CHODL: variants seen among roughly 807,000 people sequenced by gnomAD.
The protein encoded by CHODL is chondrolectin.
Under a neutral mutation model 34.5 loss-of-function variants are expected in CHODL, and 29 were observed. The ratio of observed to expected loss-of-function variants is 0.84; its 90% CI spans 0.63 to 1.15. The LOEUF (loss-of-function observed/expected upper bound fraction) is 1.15, where lower values mean the gene tolerates loss of function less well. Ranked by LOEUF, CHODL falls within the 50% of genes most tolerant of loss-of-function variation. The probability of loss-of-function intolerance (pLI) is 0.00; values close to 1 mark genes in which losing one functional copy is unlikely to be tolerated. For synonymous variants in CHODL, 125 were observed against 116.1 expected, an observed-to-expected ratio of 1.08 and a Z score of -0.49; for missense variants, 332 against 332.5, an observed-to-expected ratio of 1.00 and a Z score of 0.01.
chr21:18,247,244 C>CA, intron 1 of CHODL, among the ~76,000 whole-genome samples: 1 of 152,032 alleles, frequency 6.6e-6, no homozygotes, highest in Non-Finnish European at 1.5e-5. Context: ...TTTTTCGTGC[C>CA]ACTTGGGACC....
chr21:18,018,111 T>C (rs1383303766), intron 1 of CHODL, among the ~76,000 whole-genome samples: 1 of 152,216 alleles, frequency 6.6e-6, no homozygotes, highest in Non-Finnish European at 1.5e-5. Flanking sequence ...TGGAAGTAAC[T>C]AACTTGTTTT....
Position 18,013,755 on chromosome 21 carries a change from C to T in CHODL, c.-144-14117C>T, listed in dbSNP as rs574137309. The stretch of plus-strand genomic sequence containing the variant: ...GTTCAAGCAATTCTCCTCTCTCAGC[C>T]TCCTGAGTAGCTGGGACTACAGGCG... On this transcript the variant is annotated intron_variant, in intron 1 of 6. Transcript: ENST00000400127. Among the ~76,000 whole-genome samples, 29 of 150,096 alleles carry T rather than the reference C, an allele frequency of 1.9e-4. No homozygotes were observed. The South Asian group carries it at 5.9e-3, about 31-fold the overall frequency.
At chr21:17,948,795 G>T (rs1307161684) in intron 1 of CHODL, among the ~76,000 whole-genome samples, 1 of 152,068 alleles carries the variant, frequency 6.6e-6, no homozygotes, top group African/African-American at 2.4e-5. Flanking sequence ...CCCCAAACTT[G>T]ATTGCTTTAC....
intron 2 of CHODL, among the ~76,000 whole-genome samples, chr21:18,205,541 A>C (rs1482591203): frequency 1.3e-5 from 2 of 151,992 alleles, no homozygotes; most frequent in African/African-American, 4.8e-5. Context: ...ATTCTTTAAG[A>C]TGCATTGTTA....
chr21:18,194,892 T>G (rs1380448454), intron 2 of CHODL, among the ~76,000 whole-genome samples: 1 of 152,126 alleles, frequency 6.6e-6, no homozygotes, highest in Non-Finnish European at 1.5e-5. Context: ...TATGTATATA[T>G]TGTGGAATGA....
chr21:18,223,283 T>C (rs1601167391), intron 2 of CHODL, among the ~76,000 whole-genome samples: 1 of 152,194 alleles, frequency 6.6e-6, no homozygotes, highest in African/African-American at 2.4e-5. Flanking sequence ...AAGAAAATGA[T>C]GGAAAAGATG....
intron 2 of CHODL, among the ~76,000 whole-genome samples, chr21:18,180,995 TAATC>T (rs1199119915): frequency 6.6e-6 from 1 of 152,244 alleles, no homozygotes; most frequent in Non-Finnish European, 1.5e-5. Context: ...AAATAAATTA[TAATC>T]AATAGCAACA....
At chr21:18,001,346 A>G (rs1487391761) in intron 1 of CHODL, among the ~76,000 whole-genome samples, 1 of 152,276 alleles carries the variant, frequency 6.6e-6, no homozygotes, top group African/African-American at 2.4e-5. Flanking sequence ...ATAACATGCC[A>G]GACTTTGGTC....
At chr21:17,938,762 G>A (rs914272246) in intron 1 of CHODL, among the ~76,000 whole-genome samples, 10 of 152,118 alleles carry the variant, frequency 6.6e-5, no homozygotes, top group African/African-American at 1.9e-4. Flanking sequence ...ACAGGTGTGA[G>A]CCACGGCGCC....
rs1475195523 is a variant in CHODL at position 18,249,055 on chromosome 21, T to C, written c.79+3753T>C. On this transcript the variant is annotated intron_variant, in intron 1 of 5. Coordinates refer to ENST00000299295, the MANE Select transcript of CHODL (RefSeq NM_024944.3). ...AATATATATAATATTATATATATTA[T>C]ATATAATTTACTATATATAATATAT... Among the ~76,000 whole-genome samples the C allele has an allele frequency of 4.9e-5, 6 of 123,562 alleles. No homozygotes were observed. The South Asian group carries it at 6.6e-4, about 14-fold the overall frequency. 81.1% of individuals were successfully genotyped at this position (123,562 alleles called of 152,430 possible). A position where few individuals can be genotyped will look rare whatever the true frequency, so the allele number is the denominator to read the frequency against.
At chr21:17,999,596 G>T (rs149791545) in intron 1 of CHODL, among the ~76,000 whole-genome samples, 1 of 152,194 alleles carries the variant, frequency 6.6e-6, no homozygotes, top group Non-Finnish European at 1.5e-5. Flanking sequence ...CACTTCTTAC[G>T]TGATGGCAGC....
At chr21:17,932,141 G>C (rs559905347) in intron 1 of CHODL, among the ~76,000 whole-genome samples, 1 of 151,970 alleles carries the variant, frequency 6.6e-6, no homozygotes, top group Admixed American at 6.6e-5. Context: ...TTAAAAAGTG[G>C]GTAAGGGATA....
intron 2 of CHODL, among the ~76,000 whole-genome samples, chr21:18,058,165 A>G (rs1292779576): frequency 1.3e-5 from 2 of 152,136 alleles, no homozygotes. Flanking sequence ...TCATCTCACC[A>G]GAGTTAGAAT....
chr21:18,015,636 T>C (rs1379741824), intron 1 of CHODL, among the ~76,000 whole-genome samples: 1 of 151,982 alleles, frequency 6.6e-6, no homozygotes, highest in African/African-American at 2.4e-5. Flanking sequence ...TGAGGGAAAG[T>C]TTGGAATGTC....
intron 1 of CHODL, among the ~76,000 whole-genome samples, chr21:17,981,713 G>A (rs1211872400): frequency 1.3e-5 from 2 of 152,152 alleles, no homozygotes; most frequent in African/African-American, 2.4e-5. Flanking sequence ...GGGGTTATGT[G>A]GCCTGGCCTC....
At chr21:18,152,398 C>T (rs1411587159) in intron 2 of CHODL, among the ~76,000 whole-genome samples, 1 of 152,202 alleles carries the variant, frequency 6.6e-6, no homozygotes, top group East Asian at 1.9e-4. Context: ...AATCTGAGTA[C>T]TGCTTAGCTG....
At chr21:18,224,395 C>T (rs993448124) in intron 2 of CHODL, among the ~76,000 whole-genome samples, 20 of 152,136 alleles carry the variant, frequency 1.3e-4, no homozygotes, top group Middle Eastern at 3.4e-3. Context: ...TTATTCTTAC[C>T]TCAAAGAGTT....
At chr21:17,958,073 G>A (rs923258834) in intron 1 of CHODL, among the ~76,000 whole-genome samples, 21 of 151,652 alleles carry the variant, frequency 1.4e-4, no homozygotes, top group Admixed American at 3.3e-4. Flanking sequence ...TTTTTCTTAC[G>A]CCTAACCAAG....
At chr21:18,236,171 G>A (rs917903379) in intron 2 of CHODL, among the ~76,000 whole-genome samples, 10 of 152,124 alleles carry the variant, frequency 6.6e-5, no homozygotes, top group Admixed American at 3.9e-4. Context: ...AAGCAAACAC[G>A]TCCTTTTTCA....
Sources: allele counts gnomAD v4.1 joint callset (sites outside exome capture counted in the v4.1 genomes callset), GRCh38; gene constraint gnomAD v4.1.1; transcripts MANE v1.5; gene names NCBI Gene and HGNC (gene_info 2026-07-23, HGNC 2026-07-21).